HERC1: variants seen among roughly 807,000 people sequenced by gnomAD.
The protein encoded by HERC1 is probable E3 ubiquitin-protein ligase HERC1.
Under a neutral mutation model 554.3 loss-of-function variants are expected in HERC1, and 160 were observed. The observed-to-expected ratio is 0.29, with a 90% confidence interval of 0.25 to 0.33. The LOEUF (loss-of-function observed/expected upper bound fraction) is 0.33. Ranked by LOEUF, HERC1 falls within the 10% of genes least tolerant of loss-of-function variation. HERC1 has a pLI of 1.00. For missense variants in HERC1, 4,919 were observed against 5,918.5 expected (o/e 0.83, Z 5.54); for synonymous variants, 2,175 against 2,131.7 (o/e 1.02, Z -0.56).
chr15:63,680,845 A>G lies in HERC1; in HGVS notation c.6226-69T>C. On this transcript the variant is annotated intron_variant, in intron 34 of 77. Transcript: ENST00000443617. The surrounding 1 kb of genome is among the most constrained non-coding windows in gnomAD (Gnocchi z 5.8). ...TTATATACTATTAACTGCATTAACC[A>G]ATACTGAAAATATGTTTATAAATAA... is the stretch of plus-strand genomic sequence containing the variant. 1 of 990,178 alleles carries G rather than the reference A, an allele frequency of 1.0e-6. No homozygotes were observed. Among genetic ancestry groups the G allele is most frequent in the Non-Finnish European group, 1.6e-6 (1 of 642,152 alleles). 61.3% of individuals were successfully genotyped at this position (990,178 alleles called of 1,614,324 possible).
intron 1 of HERC1, among the ~76,000 whole-genome samples, chr15:63,778,688 A>G (rs1316714214): frequency 6.6e-6 from 1 of 152,172 alleles, no homozygotes; most frequent in Non-Finnish European, 1.5e-5. Context: ...AATGCAATTA[A>G]ATTAAGAATA....
rs1283268955 is a variant in HERC1 at position 63,749,036 on chromosome 15, T to G, written c.2219+331A>C. ...AAACATTAAATCAATAAAGCCTAGT[T>G]CTGATTTTAATTATTTTAATTTCCT... On this transcript the variant is annotated intron_variant, in intron 10 of 77. Coordinates refer to ENST00000443617, the MANE Select transcript of HERC1 (RefSeq NM_003922.4). The surrounding 1 kb of genome is among the most constrained non-coding windows in gnomAD (Gnocchi z 4.1). Among the ~76,000 whole-genome samples the G allele has an allele frequency of 6.6e-6, 1 of 152,160 alleles. No individual in the cohort carries two copies. Among genetic ancestry groups the G allele is most frequent in the Non-Finnish European group, 1.5e-5 (1 of 68,020 alleles).
At chr15:63,786,927 TTTTTTTTA>T (rs2076470498) in intron 1 of HERC1, among the ~76,000 whole-genome samples, 3 of 150,322 alleles carry the variant, frequency 2.0e-5, no homozygotes, top group African/African-American at 7.3e-5. Context: ...ATTATTTTTT[TTTTTTTTA>T]TTTTTTGAGA....
Position 63,718,121 on chromosome 15 carries a change from C to CACACACACACAT in HERC1, c.3978+452_3978+453insATGTGTGTGTGT, listed in dbSNP as rs140819055. On this transcript the variant is annotated intron_variant, in intron 21 of 77. Transcript: ENST00000443617. This position sits in a 1 kb window ranked among gnomAD's most constrained non-coding sequence, Gnocchi z 4.2. ...ACACACACACACACACACACACACA[C>CACACACACACAT]ACAACCCCCTCCTTGGTTTTCACTT... Among the ~76,000 whole-genome samples, 7,112 of 142,992 alleles carry CACACACACACAT rather than the reference C, an allele frequency of 0.05. 342 individuals carry two copies. Among genetic ancestry groups the CACACACACACAT allele is most frequent in the Non-Finnish European group, 0.062 (4,013 of 65,104 alleles). 93.8% of individuals were successfully genotyped at this position (142,992 alleles called of 152,430 possible).
chr15:63,675,227 G>T, intron 37 of HERC1, 110 bp from the exon 38 acceptor site: 2 of 833,982 alleles, frequency 2.4e-6, no homozygotes, highest in African/African-American at 1.7e-5. Context: ...ACAATACAGA[G>T]AATAATTTAC....
rs1595951870 is a variant in HERC1 at position 63,677,751 on chromosome 15, C to T, written c.7070+94G>A. On this transcript the variant is annotated intron_variant, in intron 37 of 77. Coordinates refer to ENST00000443617, the MANE Select transcript of HERC1 (RefSeq NM_003922.4). This position sits in a 1 kb window ranked among gnomAD's most constrained non-coding sequence, Gnocchi z 4.4. ...TATTTTTAAAAGTTAACTGGCAGCTCACCTAAAATACATAATTACTCACTG... is the reference window on the plus strand; with the variant it reads ...TATTTTTAAAAGTTAACTGGCAGCTTACCTAAAATACATAATTACTCACTG... 6.7e-7 allele frequency: 1 copy of T among 1,501,920 alleles called. No homozygotes were observed. Among genetic ancestry groups the T allele is most frequent in the East Asian group, 2.3e-5 (1 of 43,784 alleles). The allele number at this position is 1,501,920 out of a possible 1,614,324, so 93.0% of individuals were successfully genotyped here.
chr15:63,679,772 A>ATT (rs1245031956), intron 36 of HERC1, among the ~76,000 whole-genome samples: 2 of 152,148 alleles, frequency 1.3e-5, no homozygotes, highest in African/African-American at 4.8e-5. Flanking sequence ...TTATTTCTAG[A>ATT]TTTCTCTCTC....
At chr15:63,670,159 A>G (rs186244864) in intron 39 of HERC1, among the ~76,000 whole-genome samples, 1 of 152,156 alleles carries the variant, frequency 6.6e-6, no homozygotes, top group East Asian at 1.9e-4. Flanking sequence ...GTTTACAGGC[A>G]AGTTATGGAA....
At chr15:63,642,694 T>C (rs1252976232) in intron 59 of HERC1, among the ~76,000 whole-genome samples, 1 of 152,196 alleles carries the variant, frequency 6.6e-6, no homozygotes, top group African/African-American at 2.4e-5. Context: ...AAATCTACTT[T>C]ATCACTTCCA....
In HERC1 at chr15:63,714,586, G is replaced by C. The variant is rs1249957747; in HGVS notation, c.4151-921C>G. On this transcript the variant is annotated intron_variant, in intron 22 of 77. Coordinates refer to ENST00000443617, the MANE Select transcript of HERC1 (RefSeq NM_003922.4). ...TTTTTTGGAGATGGAGTCTCACTCT[G>C]TCGCCCGGGCTGGAGTGCAGTGGCA... Among the ~76,000 whole-genome samples, 4 of 115,112 alleles carry C rather than the reference G, an allele frequency of 3.5e-5. No homozygotes were observed. The Admixed American group carries it at 5.2e-4, about 15-fold the overall frequency. The allele number at this position is 115,112 out of a possible 152,430, so 75.5% of individuals were successfully genotyped here.
intron 21 of HERC1, among the ~76,000 whole-genome samples, chr15:63,717,830 C>A (rs992512518): frequency 6.6e-6 from 1 of 152,176 alleles, no homozygotes. Flanking sequence ...CAAGATCATG[C>A]CACTGCGCTC....
In HERC1 at chr15:63,686,439, G is replaced by C; in HGVS notation, c.6145C>G (p.Gln2049Glu). ...KAQCCLVENG[Q>E]ILTHGSGGKG... ...CCTCCACTGCCGTGAGTTAAAATCT[G>C]TCCATTCTCCACTAGGCAACACTGA... Residue 2049 changes from glutamine to glutamate, a missense_variant, in exon 34 of 78, where the codon CAG becomes GAG. Gln to Glu is a conservative substitution (Grantham distance 29). Transcript: ENST00000443617. The C allele has an allele frequency of 6.2e-7, 1 of 1,613,748 alleles. No individual in the cohort carries two copies. The highest frequency in any genetic ancestry group is 8.5e-7 in the Non-Finnish European group (1 of 1,179,702).
At position 63,694,852 on chromosome 15, in the gene HERC1, G is replaced by C; in HGVS notation, c.5164C>G (p.Gln1722Glu). ...AAKRNIQIEI[Q>E]VAVHKIYQQL... ...TGATAAATTTTATGCACAGCTACCT[G>C]GATTTCAATCTGAATATTTCTCTTA... Residue 1722 changes from glutamine to glutamate, a missense_variant, in exon 28 of 78, where the codon CAG becomes GAG. By Grantham distance (29) the Gln-to-Glu change is conservative. Transcript: ENST00000443617. This position sits in a 1 kb window ranked among gnomAD's most constrained non-coding sequence, Gnocchi z 4.3. The C allele has an allele frequency of 6.2e-7, 1 of 1,613,538 alleles. No homozygotes were observed. The highest frequency in any genetic ancestry group is 8.5e-7 in the Non-Finnish European group (1 of 1,179,596).
chr15:63,787,555 C>A (rs1236775714), intron 1 of HERC1, among the ~76,000 whole-genome samples: 2 of 152,000 alleles, frequency 1.3e-5, no homozygotes, highest in Non-Finnish European at 2.9e-5. Context: ...CAATGGTGGG[C>A]AACAAATACT....
intron 1 of HERC1, among the ~76,000 whole-genome samples, chr15:63,787,783 G>A (rs992592446): frequency 4.0e-5 from 6 of 151,538 alleles, no homozygotes; most frequent in African/African-American, 1.5e-4. Context: ...GGACAATATG[G>A]CAAAACCCCG....
chr15:63,682,864 A>T (rs2071548124), intron 34 of HERC1, among the ~76,000 whole-genome samples: 1 of 152,008 alleles, frequency 6.6e-6, no homozygotes, highest in South Asian at 2.1e-4. Context: ...GGCTGGGCAC[A>T]ATGGCTCATG....
chr15:63,770,813 G>A (rs1023731893), intron 2 of HERC1, among the ~76,000 whole-genome samples: 3 of 152,174 alleles, frequency 2.0e-5, no homozygotes, highest in Non-Finnish European at 4.4e-5. Flanking sequence ...AAGACGGGGA[G>A]GATCAGGTCA....
chr15:63,661,383 G>A (rs781231713), intron 45 of HERC1, among the ~76,000 whole-genome samples: 5 of 152,134 alleles, frequency 3.3e-5, no homozygotes, highest in East Asian at 1.9e-4. Context: ...TATGGAACTC[G>A]TTTAATCAAA....
intron 48 of HERC1, among the ~76,000 whole-genome samples, chr15:63,657,539 A>T (rs1339993633): frequency 6.6e-6 from 1 of 152,018 alleles, no homozygotes; most frequent in Non-Finnish European, 1.5e-5. Flanking sequence ...TGTTGGTTAG[A>T]TGCATTACTA....
Sources: gnomAD v4.1 joint callset for allele counts (sites outside exome capture counted in the v4.1 genomes callset) on GRCh38, gnomAD v4.1.1 for gene constraint, Gnocchi (gnomAD v3.1) non-coding constraint, MANE v1.5 for transcripts, NCBI Gene and HGNC (gene_info 2026-07-23, HGNC 2026-07-21) for gene names.